Variants in GBP2 observed in about 807,000 individuals in gnomAD.
The protein encoded by GBP2 is guanylate binding protein 2.
GBP2 carries 54 observed loss-of-function variants against 60.8 expected under a neutral mutation model. That is an observed-to-expected ratio of 0.89 (90% CI 0.71 to 1.11). The LOEUF (loss-of-function observed/expected upper bound fraction) is 1.11, where lower values mean the gene tolerates loss of function less well. Among genes scored for constraint, GBP2 ranks in the 50% most tolerant of loss-of-function variants. The pLI, the probability that GBP2 is intolerant of heterozygous loss-of-function variation, is 0.00. For missense variants in GBP2, 665 were observed against 703.3 expected, an observed-to-expected ratio of 0.95 and a Z score of 0.62; for synonymous variants, 243 against 256.5, an observed-to-expected ratio of 0.95 and a Z score of 0.50.
At chr1:89,111,926 C>T (rs1681174493) in intron 8 of GBP2, among the ~76,000 whole-genome samples, 1 of 152,084 alleles carries the variant, frequency 6.6e-6, no homozygotes, top group Admixed American at 6.6e-5. Flanking sequence ...TAAGTATATA[C>T]ACCTACTATG....
intron 9 of GBP2, 145 bp downstream of exon 9, chr1:89,110,019 T>C (rs778818879): frequency 5.4e-6 from 5 of 926,328 alleles, no homozygotes; most frequent in Non-Finnish European, 8.0e-6. Context: ...CCAATGATCA[T>C]ACAGATTAGT....
In GBP2 at chr1:89,109,976, C is replaced by T. The variant is rs1681131763; in HGVS notation, c.1466-106G>A. The T allele has an allele frequency of 1.0e-5, 12 of 1,186,728 alleles. 1 individual carries two copies. In the South Asian group the frequency reaches 1.4e-4, roughly 14 times the overall value. 73.5% of individuals were successfully genotyped at this position (1,186,728 alleles called of 1,614,324 possible). ...TCTTATCCTTACATCATTGAGAAAA[C>T]TTCTTGTAATTTTGCCTTGGGTAAC... On this transcript the variant is annotated intron_variant, in intron 9 of 10. Transcript: ENST00000370466.
At chr1:89,109,995 G>A (rs1557437652) in intron 9 of GBP2, 125 bp from the exon 10 acceptor site, 10 of 1,014,752 alleles carry the variant, frequency 9.9e-6, no homozygotes, top group East Asian at 2.6e-5. Flanking sequence ...ATTTTGCCTT[G>A]GGTAACCAGA....
chr1:89,108,236 T>C lies in GBP2; in HGVS notation c.1715A>G (p.Lys572Arg). The C allele has an allele frequency of 3.7e-6, 6 of 1,613,764 alleles. No individual in the cohort carries two copies. The highest frequency in any genetic ancestry group is 4.2e-6 in the Non-Finnish European group (5 of 1,179,836). The change falls in exon 11 of 11, where the codon AAA (lysine) becomes AGA (arginine). Residue 572 changes from lysine (K) to arginine (R), a missense_variant. Transcript: ENST00000370466. Reference protein sequence around the residue: ...GFENESKRLQKDIWDIQMRSK... With the variant: ...GFENESKRLQRDIWDIQMRSK... ...TCTCATCTGGATATCCCATATGTCT[T>C]TTTGAAGTCTCTTGCTCTCATTCTC...
chr1:89,117,651 G>A lies in GBP2; in HGVS notation c.551C>T (p.Thr184Ile), dbSNP rs1570321077. The A allele has an allele frequency of 6.2e-7, 1 of 1,614,058 alleles. No individual in the cohort carries two copies. Among genetic ancestry groups the A allele is most frequent in the Non-Finnish European group, 8.5e-7 (1 of 1,179,980 alleles). ...TTCTCCATCTACTTCCAGTTCCAGG[G>A]TGAAATCTCTGAGAGTCCACACAAA... ...PAFVWTLRDF[T>I]LELEVDGEPI... Residue 184 changes from threonine (T) to isoleucine (I), a missense_variant, in exon 5 of 11, where the codon ACC becomes ATC. Physicochemically the swap from Thr to Ile is moderately conservative, Grantham distance 89. Transcript: ENST00000370466.
chr1:89,110,381 T>A, intron 8 of GBP2, 115 bp from the exon 9 acceptor site: 1 of 765,064 alleles, frequency 1.3e-6, no homozygotes, highest in Admixed American at 2.3e-5. Flanking sequence ...AAAAGATACT[T>A]GCATACGCAT....
At position 89,117,728 on chromosome 1, in the gene GBP2, A is replaced by G; in HGVS notation, c.474T>C (p.Pro158=). Residue 158 remains proline (P), a synonymous_variant, in exon 5 of 11, where the codon CCT becomes CCC. Coordinates refer to ENST00000370466, the MANE Select transcript of GBP2 (RefSeq NM_004120.5). ...LTDRIKANSS[P]GNNSVDDSAD... is the part of the protein sequence containing the mutation. ...CTGAGTCGTCTACAGAATTGTTACC[A>G]GGTGAGGAGTTTGCCTTGATTCGAT... The G allele has an allele frequency of 6.2e-7, 1 of 1,614,006 alleles. No individual in the cohort carries two copies. The highest frequency in any genetic ancestry group is 1.1e-5 in the South Asian group (1 of 91,068).
chr1:89,117,303 A>G (rs936846993), intron 5 of GBP2, 69 bp from the exon 6 acceptor site: 1 of 1,383,022 alleles, frequency 7.2e-7, no homozygotes, highest in Non-Finnish European at 1.0e-6. Flanking sequence ...TTTCAATTTT[A>G]TAATTTTCAC....
At chr1:89,119,924 A>T in intron 4 of GBP2, 3 of 406,104 alleles carry the variant, frequency 7.4e-6, no homozygotes, top group Middle Eastern at 7.2e-4. Context: ...GAAGGTTTGG[A>T]CAGGCATAGG....
chr1:89,112,565 TC>T lies in GBP2; in HGVS notation c.1268del (p.Gly423GlufsTer19). The T allele has an allele frequency of 6.2e-7, 1 of 1,614,142 alleles. No homozygotes were observed. The highest frequency in any genetic ancestry group is 8.5e-7 in the Non-Finnish European group (1 of 1,179,982). On this transcript the variant is annotated frameshift_variant, in exon 8 of 11. Coordinates refer to ENST00000370466, the MANE Select transcript of GBP2 (RefSeq NM_004120.5). LOFTEE classifies it high-confidence loss of function. ...FGPLEEDVKQ[G>X]TFSKPGGYRL... The stretch of plus-strand genomic sequence containing the variant: ...GGTAACCTCCTGGTTTAGAAAATGT[TC>T]CCTGCTTGACATCTTCTTCTAAAGG...
intron 3 of GBP2, 79 bp from the exon 4 acceptor site, chr1:89,120,367 A>T (rs1195627891): frequency 8.8e-7 from 1 of 1,134,622 alleles, no homozygotes; most frequent in Non-Finnish European, 1.3e-6. Flanking sequence ...AGACTGACTG[A>T]ACTCCAACTC....
chr1:89,117,199 G>A lies in GBP2; in HGVS notation c.661C>T (p.Arg221Trp), dbSNP rs372035050. 38 of 1,613,812 alleles carry A rather than the reference G, an allele frequency of 2.4e-5. No homozygotes were observed. Among genetic ancestry groups the A allele is most frequent in the Non-Finnish European group, 3.1e-5 (36 of 1,179,828 alleles). Residue 221 changes from arginine to tryptophan, a missense_variant, in exon 6 of 11, where the codon CGG becomes TGG. Arg to Trp is a moderately radical substitution (Grantham distance 101). Coordinates refer to ENST00000370466, the MANE Select transcript of GBP2 (RefSeq NM_004120.5). Reference sequence around the variant, plus strand: ...GGGAAGAACTTTCGGATGCACAACCGAGGATCATTAAAGCTTTTACTTTTC... The same window carrying A: ...GGGAAGAACTTTCGGATGCACAACCAAGGATCATTAAAGCTTTTACTTTTC... The part of the protein sequence containing the change: ...DKKSKSFNDP[R>W]LCIRKFFPKR...
chr1:89,121,979 G>T lies in GBP2; in HGVS notation c.-13C>A, dbSNP rs768153549. 3 of 1,595,184 alleles carry T rather than the reference G, an allele frequency of 1.9e-6. No individual in the cohort carries two copies. Among genetic ancestry groups the T allele is most frequent in the Non-Finnish European group, 2.6e-6 (3 of 1,169,116 alleles). On this transcript the variant is annotated 5_prime_UTR_variant, in exon 2 of 11. Coordinates refer to ENST00000370466, the MANE Select transcript of GBP2 (RefSeq NM_004120.5). Reference sequence around the variant, plus strand: ...TCTCTGGAGCCATGTCCAGGGTGTTGTTCCCTTGTGTGCAAGGAAAAAGAT... The same window carrying T: ...TCTCTGGAGCCATGTCCAGGGTGTTTTTCCCTTGTGTGCAAGGAAAAAGAT...
intron 7 of GBP2, chr1:89,113,184 G>A (rs1681198787): frequency 6.3e-6 from 1 of 157,596 alleles, no homozygotes; most frequent in Non-Finnish European, 1.4e-5. Flanking sequence ...GGACTTTTTA[G>A]AAGTGCTCAG....
At chr1:89,108,613 T>G (rs1681099915) in intron 10 of GBP2, among the ~76,000 whole-genome samples, 1 of 152,202 alleles carries the variant, frequency 6.6e-6, no homozygotes, top group South Asian at 2.1e-4. Flanking sequence ...CTATATAGAA[T>G]GGACTCTTAA....
intron 5 of GBP2, 93 bp from the exon 6 acceptor site, chr1:89,117,327 G>T: frequency 8.7e-7 from 1 of 1,153,914 alleles, no homozygotes; most frequent in Non-Finnish European, 1.2e-6. Context: ...GCCCATGTAA[G>T]GAGGAAATTT....
chr1:89,109,662 G>T lies in GBP2; in HGVS notation c.1659+15C>A. On this transcript the variant is annotated intron_variant, in intron 10 of 10. Transcript: ENST00000370466. Reference sequence around the variant, plus strand: ...GGGCACTGGAAGAGAAAATTGAGATGATGCAATTGAATACCTGAAGTTTAA... The same window carrying T: ...GGGCACTGGAAGAGAAAATTGAGATTATGCAATTGAATACCTGAAGTTTAA... 6.2e-7 allele frequency: 1 copy of T among 1,608,682 alleles called. No homozygotes were observed. The highest frequency in any genetic ancestry group is 1.7e-5 in the Admixed American group (1 of 59,608).
intron 9 of GBP2, 146 bp downstream of exon 9, chr1:89,110,018 A>G: frequency 1.1e-6 from 1 of 930,920 alleles, no homozygotes; most frequent in Non-Finnish European, 1.6e-6. Flanking sequence ...ACCAATGATC[A>G]TACAGATTAG....
At chr1:89,114,419 G>C (rs1387232018) in intron 6 of GBP2, 123 bp from the exon 7 acceptor site, 1 of 1,178,246 alleles carries the variant, frequency 8.5e-7, no homozygotes, top group Non-Finnish European at 1.2e-6. Flanking sequence ...GAATAGTAAT[G>C]GAATAATTTG....
Sources: gnomAD v4.1 joint callset for allele counts (sites outside exome capture counted in the v4.1 genomes callset) on GRCh38, gnomAD v4.1.1 for gene constraint, MANE v1.5 for transcripts, NCBI Gene and HGNC (gene_info 2026-07-23, HGNC 2026-07-21) for gene names.